SORBS2: variants seen among roughly 807,000 people sequenced by gnomAD.
The protein encoded by SORBS2 is sorbin and SH3 domain containing 2, also known as sorbin and SH3 domain-containing protein 2.
SORBS2 carries 46 observed loss-of-function variants against 97.7 expected under a neutral mutation model. The observed-to-expected ratio is 0.47, with a 90% confidence interval of 0.37 to 0.60. SORBS2 has a LOEUF of 0.60. Ranked by LOEUF, SORBS2 falls within the 20% of genes least tolerant of loss-of-function variation. The probability of loss-of-function intolerance (pLI) is 0.00; values close to 1 mark genes in which losing one functional copy is unlikely to be tolerated. For missense variants in SORBS2, 1,316 were observed against 1,282.3 expected (o/e 1.03, Z -0.40); for synonymous variants, 476 against 473.4 (o/e 1.01, Z -0.07).
At chr4:185,948,765 G>A (rs967292660) in intron 1 of SORBS2, among the ~76,000 whole-genome samples, 15 of 151,814 alleles carry the variant, frequency 9.9e-5, no homozygotes, top group African/African-American at 3.6e-4. Flanking sequence ...TGATCCACCC[G>A]CCTCGGCCTC....
At chr4:185,919,318 C>A (rs1030566242) in intron 1 of SORBS2, 2 of 152,108 alleles carry the variant, frequency 1.3e-5, no homozygotes, top group East Asian at 3.9e-4. Context: ...GGAGGCGCTG[C>A]GGAAAGTACA....
intron 1 of SORBS2, among the ~76,000 whole-genome samples, chr4:185,864,040 G>A (rs919209712): frequency 3.3e-5 from 5 of 152,146 alleles, no homozygotes; most frequent in African/African-American, 1.2e-4. Flanking sequence ...GCAAGATAAG[G>A]TGAAGTATGC....
chr4:185,903,703 A>G (rs946505295), intron 1 of SORBS2, among the ~76,000 whole-genome samples: 2 of 152,188 alleles, frequency 1.3e-5, no homozygotes, highest in Admixed American at 6.5e-5. Flanking sequence ...CAGGATAACG[A>G]TGGAATGGCC....
At chr4:185,945,423 G>A (rs2099274074) in intron 1 of SORBS2, among the ~76,000 whole-genome samples, 1 of 152,170 alleles carries the variant, frequency 6.6e-6, no homozygotes, top group Non-Finnish European at 1.5e-5. Flanking sequence ...GTTAGGTCAA[G>A]GGTAGGCACA....
intron 1 of SORBS2, among the ~76,000 whole-genome samples, chr4:185,859,479 T>G (rs142380391): frequency 2.2e-4 from 33 of 152,286 alleles, no homozygotes; most frequent in African/African-American, 7.5e-4. Context: ...CCTTTGCCAG[T>G]CTCGCTTCCT....
chr4:185,689,062 T>C (rs1030876567), intron 2 of SORBS2, among the ~76,000 whole-genome samples: 1 of 152,196 alleles, frequency 6.6e-6, no homozygotes, highest in Non-Finnish European at 1.5e-5. Context: ...ATTTACAAAT[T>C]TGTATGTGCT....
intron 4 of SORBS2, 98 bp downstream of exon 14, chr4:185,638,779 G>T: frequency 8.4e-7 from 1 of 1,194,748 alleles, no homozygotes; most frequent in Non-Finnish European, 1.1e-6. Flanking sequence ...GGTGCGAGCG[G>T]GACCCGGGGG....
chr4:185,913,131 A>G (rs1403258058), intron 1 of SORBS2, among the ~76,000 whole-genome samples: 1 of 152,226 alleles, frequency 6.6e-6, no homozygotes, highest in Non-Finnish European at 1.5e-5. Flanking sequence ...AAAAATGCAC[A>G]AGGATGTTTT....
At chr4:185,619,746 T>G (rs2096685933) in intron 8 of SORBS2, among the ~76,000 whole-genome samples, 1 of 152,212 alleles carries the variant, frequency 6.6e-6, no homozygotes, top group Non-Finnish European at 1.5e-5. Flanking sequence ...GGAAACCTAT[T>G]GCCTCCACGA....
chr4:185,696,609 A>G (rs2098178844), intron 2 of SORBS2, among the ~76,000 whole-genome samples: 1 of 152,046 alleles, frequency 6.6e-6, no homozygotes, highest in Non-Finnish European at 1.5e-5. Flanking sequence ...ATGCACCACC[A>G]TGCCGTATTT....
At chr4:185,686,576 G>A (rs922061007) in intron 2 of SORBS2, among the ~76,000 whole-genome samples, 1 of 152,160 alleles carries the variant, frequency 6.6e-6, no homozygotes, top group Non-Finnish European at 1.5e-5. Flanking sequence ...AGTGCTTAGA[G>A]ACAAGTGCGT....
chr4:185,719,529 G>A (rs1347296195), intron 2 of SORBS2, among the ~76,000 whole-genome samples: 1 of 152,182 alleles, frequency 6.6e-6, no homozygotes, highest in Non-Finnish European at 1.5e-5. Flanking sequence ...TGGGGAAAAG[G>A]CAAAGAGAAA....
Position 185,606,301 on chromosome 4 carries a change from T to C in SORBS2, c.2796+5479A>G. ...CTCCACTATTAGCTATCATTGTTAA[T>C]ATTGGAAGATTACAAAGACTATATC... On this transcript the variant is annotated intron_variant, in intron 12 of 14. Coordinates refer to ENST00000418609, the Ensembl canonical transcript of SORBS2. The surrounding 1 kb of genome is among the most constrained non-coding windows in gnomAD (Gnocchi z 4.3). 1 of 979,298 alleles carries C rather than the reference T, an allele frequency of 1.0e-6. No homozygotes were observed. The highest frequency in any genetic ancestry group is 1.2e-6 in the Non-Finnish European group (1 of 824,394). The allele number at this position is 979,298 out of a possible 1,614,324, so 60.7% of individuals were successfully genotyped here.
chr4:185,745,164 G>A (rs1455369671), intron 2 of SORBS2, among the ~76,000 whole-genome samples: 1 of 152,150 alleles, frequency 6.6e-6, no homozygotes, highest in Non-Finnish European at 1.5e-5. Flanking sequence ...AGGTGGATGT[G>A]GGACTAATCA....
At chr4:185,624,589 C>G in intron 6 of SORBS2, 95 bp from the exon 19 acceptor site, 1 of 1,324,804 alleles carries the variant, frequency 7.5e-7, no homozygotes, top group Non-Finnish European at 1.0e-6. Context: ...CATCAGACAG[C>G]ATAGCAAGGA....
exon 15 of SORBS2, chr4:185,587,300 G>A (rs1039861794): frequency 1.5e-4 from 43 of 287,290 alleles, no homozygotes; most frequent in African/African-American, 8.7e-4. Context: ...GCCTCCTGGA[G>A]ACACTTTTTT....
At chr4:185,868,572 T>C (rs1396027143) in intron 1 of SORBS2, among the ~76,000 whole-genome samples, 1 of 151,918 alleles carries the variant, frequency 6.6e-6, no homozygotes, top group East Asian at 1.9e-4. Flanking sequence ...AAATGAATAT[T>C]TTAGTAAATT....
intron 1 of SORBS2, among the ~76,000 whole-genome samples, chr4:185,955,993 C>A (rs527285540): frequency 2.0e-5 from 3 of 152,138 alleles, no homozygotes; most frequent in African/African-American, 7.2e-5. Flanking sequence ...AAGCTCTGTG[C>A]ACAGTCAGCT....
At chr4:185,600,809 T>C (rs1299281267) in intron 12 of SORBS2, among the ~76,000 whole-genome samples, 1 of 147,136 alleles carries the variant, frequency 6.8e-6, no homozygotes, top group African/African-American at 2.6e-5. Flanking sequence ...AGGCAAAATT[T>C]TCTAACACAT....
Sources: gnomAD v4.1 joint callset for allele counts (sites outside exome capture counted in the v4.1 genomes callset) on GRCh38, gnomAD v4.1.1 for gene constraint, Gnocchi (gnomAD v3.1) non-coding constraint, MANE v1.5 for transcripts, NCBI Gene and HGNC (gene_info 2026-07-23, HGNC 2026-07-21) for gene names.